SH3GL2: variants seen among roughly 807,000 people sequenced by gnomAD.
SH3GL2 encodes SH3 domain containing GRB2 like 2, endophilin A1.
In SH3GL2, 24 loss-of-function variants were observed where a neutral mutation model predicts 46.0. That is an observed-to-expected ratio of 0.52 (90% CI 0.38 to 0.73). The LOEUF (loss-of-function observed/expected upper bound fraction) is 0.73. Among genes scored for constraint, SH3GL2 ranks in the 30% least tolerant of loss-of-function variants. The probability of loss-of-function intolerance (pLI) is 0.00; values close to 1 mark genes in which losing one functional copy is unlikely to be tolerated. For missense variants in SH3GL2, 413 were observed against 424.2 expected (o/e 0.97, Z 0.23); for synonymous variants, 196 against 147.1 (o/e 1.33, Z -2.40).
intron 1 of SH3GL2, among the ~76,000 whole-genome samples, chr9:17,651,746 GT>G (rs1384574615): frequency 2.6e-5 from 4 of 152,120 alleles, no homozygotes; most frequent in Non-Finnish European, 5.9e-5. Context: ...CTTTAAAGAT[GT>G]TGTTTTCATA....
At chr9:17,665,703 G>A (rs569924293) in intron 1 of SH3GL2, among the ~76,000 whole-genome samples, 1 of 151,686 alleles carries the variant, frequency 6.6e-6, no homozygotes, top group South Asian at 2.1e-4. Context: ...TGCATCCTTG[G>A]AATCAGCCAG....
chr9:17,696,406 A>G (rs1821202652), intron 1 of SH3GL2, among the ~76,000 whole-genome samples: 1 of 152,186 alleles, frequency 6.6e-6, no homozygotes. Context: ...CTTTACTACT[A>G]TGGTATATTA....
At chr9:17,608,295 C>T (rs565065209) in intron 1 of SH3GL2, among the ~76,000 whole-genome samples, 46 of 151,996 alleles carry the variant, frequency 3.0e-4, no homozygotes, top group Middle Eastern at 3.4e-3. Context: ...CTACAGGCGC[C>T]CACCACCACA....
chr9:17,586,096 C>G (rs1419531789), intron 1 of SH3GL2, among the ~76,000 whole-genome samples: 2 of 152,172 alleles, frequency 1.3e-5, no homozygotes, highest in African/African-American at 4.8e-5. Context: ...TATTTTCATG[C>G]TATACTAAAT....
chr9:17,794,967 A>G (rs1005140894), intron 8 of SH3GL2, among the ~76,000 whole-genome samples: 1 of 152,238 alleles, frequency 6.6e-6, no homozygotes, highest in Non-Finnish European at 1.5e-5. Context: ...AGGTCACAGA[A>G]AGTAAAAACT....
At chr9:17,759,437 T>C (rs960109739) in intron 2 of SH3GL2, among the ~76,000 whole-genome samples, 3 of 152,194 alleles carry the variant, frequency 2.0e-5, no homozygotes, top group African/African-American at 4.8e-5. Context: ...CTCTTTCAGA[T>C]TGGGAGATGC....
At chr9:17,609,662 G>A (rs1218041937) in intron 1 of SH3GL2, among the ~76,000 whole-genome samples, 2 of 152,216 alleles carry the variant, frequency 1.3e-5, no homozygotes, top group African/African-American at 4.8e-5. Flanking sequence ...AACGTGAAAC[G>A]TTTAGATATG....
chr9:17,753,480 G>T (rs751125669), intron 2 of SH3GL2, among the ~76,000 whole-genome samples: 1 of 152,058 alleles, frequency 6.6e-6, no homozygotes, highest in Admixed American at 6.6e-5. Context: ...GTCTTCTTTT[G>T]AAAAGTATTC....
intron 1 of SH3GL2, among the ~76,000 whole-genome samples, chr9:17,622,982 T>TTTCCTTTCCTTTCCTTTCCA (rs1444141181): frequency 1.3e-5 from 1 of 77,246 alleles, no homozygotes; most frequent in Non-Finnish European, 2.6e-5. Context: ...TTTCGTTTCC[T>TTTCCTTTCCTTTCCTTTCCA]TTCGTTTCCT....
At chr9:17,715,997 C>G (rs914659880) in intron 1 of SH3GL2, among the ~76,000 whole-genome samples, 1 of 152,026 alleles carries the variant, frequency 6.6e-6, no homozygotes, top group Non-Finnish European at 1.5e-5. Flanking sequence ...TGTGTATCAC[C>G]TTTGCACTGT....
At chr9:17,676,434 T>C (rs1335681062) in intron 1 of SH3GL2, among the ~76,000 whole-genome samples, 1 of 152,052 alleles carries the variant, frequency 6.6e-6, no homozygotes, top group Non-Finnish European at 1.5e-5. Flanking sequence ...GGTGAAACCC[T>C]GTCTCTACTG....
At chr9:17,621,412 G>T (rs573976810) in intron 1 of SH3GL2, among the ~76,000 whole-genome samples, 2 of 152,290 alleles carry the variant, frequency 1.3e-5, no homozygotes, top group South Asian at 4.1e-4. Flanking sequence ...TTGTCCTGAT[G>T]ATTTTTGTGG....
intron 3 of SH3GL2, among the ~76,000 whole-genome samples, chr9:17,781,806 C>G (rs1823817474): frequency 6.6e-6 from 1 of 152,020 alleles, no homozygotes; most frequent in Admixed American, 6.6e-5. Flanking sequence ...TTCACTCTTT[C>G]AGAAAGCCCA....
intron 1 of SH3GL2, among the ~76,000 whole-genome samples, chr9:17,655,066 G>A (rs4961444): frequency 9.8e-5 from 15 of 152,290 alleles, no homozygotes; most frequent in African/African-American, 3.1e-4. Flanking sequence ...TGAGGAGGAT[G>A]AATTAGATCA....
chr9:17,756,591 T>C (rs980547685), intron 2 of SH3GL2, among the ~76,000 whole-genome samples: 5 of 151,388 alleles, frequency 3.3e-5, no homozygotes, highest in African/African-American at 1.2e-4. Context: ...TTTTTTGTCC[T>C]TGCAATAGTT....
intron 2 of SH3GL2, among the ~76,000 whole-genome samples, chr9:17,747,861 A>G (rs1474779927): frequency 1.3e-5 from 2 of 151,830 alleles, no homozygotes; most frequent in Non-Finnish European, 2.9e-5. Context: ...TTTTGTAGAG[A>G]TGGGGTTTTA....
In SH3GL2 at chr9:17,753,807, G is replaced by A. The variant is rs117672334; in HGVS notation, c.114+6673G>A. ...TTGTCTTTCAGGGTTTTTATGATTC[G>A]GAGTTTATACATTTAAGTCTTTAAT... On this transcript the variant is annotated intron_variant, in intron 2 of 8. Transcript: ENST00000380607. Among the ~76,000 whole-genome samples, 64 of 151,976 alleles carry A rather than the reference G, an allele frequency of 4.2e-4. No homozygotes were observed. In the East Asian group the frequency reaches 0.01, roughly 24 times the overall value.
intron 1 of SH3GL2, among the ~76,000 whole-genome samples, chr9:17,584,133 TG>T (rs1453570728): frequency 6.6e-6 from 1 of 152,218 alleles, no homozygotes; most frequent in Admixed American, 6.5e-5. Context: ...TGCATTTTTC[TG>T]AGGGAGAATG....
At chr9:17,690,133 C>T (rs1821035715) in intron 1 of SH3GL2, among the ~76,000 whole-genome samples, 1 of 152,072 alleles carries the variant, frequency 6.6e-6, no homozygotes, top group South Asian at 2.1e-4. Flanking sequence ...TTCTGGATTG[C>T]CAAAACTGCA....
Sources: allele counts gnomAD v4.1 joint callset (sites outside exome capture counted in the v4.1 genomes callset), GRCh38; gene constraint gnomAD v4.1.1; transcripts MANE v1.5; gene names NCBI Gene and HGNC (gene_info 2026-07-23, HGNC 2026-07-21).